Variants in ANKRD11 observed in about 807,000 individuals in gnomAD.
ANKRD11 encodes the protein ankyrin repeat domain-containing protein 11.
In ANKRD11, 17 loss-of-function variants were observed where a neutral mutation model predicts 195.7. The ratio of observed to expected loss-of-function variants is 0.09; its 90% CI spans 0.06 to 0.13. The LOEUF (loss-of-function observed/expected upper bound fraction) is 0.13. Among genes scored for constraint, ANKRD11 ranks in the 10% least tolerant of loss-of-function variants. The pLI, the probability that ANKRD11 is intolerant of heterozygous loss-of-function variation, is 1.00. For missense variants in ANKRD11, 3,735 were observed against 3,566.1 expected (o/e 1.05, Z -1.21); for synonymous variants, 1,953 against 1,528.1 (o/e 1.28, Z -6.49).
At position 89,490,554 on chromosome 16, in the gene ANKRD11, C is replaced by T. The variant is rs760908649; in HGVS notation, c.-454G>A. On this transcript the variant is annotated 5_prime_UTR_variant, in exon 1 of 13. Coordinates refer to ENST00000301030, the MANE Select transcript of ANKRD11 (RefSeq NM_013275.6). ...CGGTCCATCGCGCACCGTCTCAGGG[C>T]GGCCTCTGGCTCCAGGACCCAGCGG... 1.3e-4 allele frequency: 54 copies of T among 424,408 alleles called. 4 individuals carry two copies. In the South Asian group the frequency reaches 2.0e-3, roughly 16 times the overall value. The allele number at this position is 424,408 out of a possible 1,614,324, so 26.3% of individuals were successfully genotyped here. A position where few individuals can be genotyped will look rare whatever the true frequency, so the allele number is the denominator to read the frequency against.
intron 1 of ANKRD11, among the ~76,000 whole-genome samples, chr16:89,471,687 A>AG (rs1027059377): frequency 4.9e-5 from 7 of 143,180 alleles, no homozygotes; most frequent in Admixed American, 2.2e-4. Flanking sequence ...TGGGAGGATG[A>AG]GGAAGGAGAG....
At chr16:89,360,106 T>C (rs2039669150) in intron 2 of ANKRD11, among the ~76,000 whole-genome samples, 1 of 152,144 alleles carries the variant, frequency 6.6e-6, no homozygotes, top group Non-Finnish European at 1.5e-5. Flanking sequence ...CTTCCCTGTG[T>C]TTTTAAGTTC....
chr16:89,477,022 G>A (rs1035977577), intron 1 of ANKRD11, among the ~76,000 whole-genome samples: 1 of 152,184 alleles, frequency 6.6e-6, no homozygotes, highest in Non-Finnish European at 1.5e-5. Flanking sequence ...ACCACACCGT[G>A]AGCATCTATT....
chr16:89,269,454 G>A (rs868414851), intron 12 of ANKRD11, among the ~76,000 whole-genome samples: 73 of 152,120 alleles, frequency 4.8e-4, no homozygotes, highest in Non-Finnish European at 5.9e-4. Context: ...TCCTCAATGG[G>A]CCTCATAGCT....
rs1171132225 is a variant in ANKRD11, at chr16:89,305,279, C to T, written c.153G>A (p.Val51=). 2.5e-6 allele frequency: 4 copies of T among 1,613,966 alleles called. No homozygotes were observed. In the South Asian group the frequency reaches 4.4e-5, roughly 18 times the overall value. The change falls in exon 4 of 13, where the codon GTG becomes GTA. Residue 51 remains valine (V), a synonymous_variant. Transcript: ENST00000301030. ...KLERGDGGKE[V]RERASKRKLP... Reference sequence around the variant, plus strand: ...GCTTCCGCTTGCTGGCTCGCTCCCTCACCTCCTTCCCGCCATCGCCACGCT... The same window carrying T: ...GCTTCCGCTTGCTGGCTCGCTCCCTTACCTCCTTCCCGCCATCGCCACGCT...
At chr16:89,464,643 AAAAAG>A (rs1329424241) in intron 1 of ANKRD11, among the ~76,000 whole-genome samples, 5 of 151,946 alleles carry the variant, frequency 3.3e-5, no homozygotes, top group Admixed American at 6.6e-5. Flanking sequence ...AGAAAAAGAA[AAAAAG>A]AAAAGAATAA....
At chr16:89,416,550 G>C (rs926514639) in intron 2 of ANKRD11, among the ~76,000 whole-genome samples, 1 of 152,132 alleles carries the variant, frequency 6.6e-6, no homozygotes, top group Non-Finnish European at 1.5e-5. Context: ...CACCCACCTT[G>C]ACATCTCAAA....
chr16:89,369,942 G>A (rs1423779517), intron 2 of ANKRD11, among the ~76,000 whole-genome samples: 1 of 152,132 alleles, frequency 6.6e-6, no homozygotes, highest in Non-Finnish European at 1.5e-5. Flanking sequence ...AAACACGGGG[G>A]GCCCAGCCCA....
chr16:89,457,249 G>A (rs975014837), intron 1 of ANKRD11, among the ~76,000 whole-genome samples: 5 of 145,874 alleles, frequency 3.4e-5, no homozygotes, highest in Admixed American at 6.8e-5. Flanking sequence ...GTGAGCCACC[G>A]CGCCCGGCCG....
At chr16:89,443,623 A>G (rs1401618799) in intron 1 of ANKRD11, among the ~76,000 whole-genome samples, 1 of 152,154 alleles carries the variant, frequency 6.6e-6, no homozygotes, top group African/African-American at 2.4e-5. Context: ...TTCTTTAGGC[A>G]ATACCCTCCG....
chr16:89,386,016 A>G (rs540136147), intron 2 of ANKRD11, among the ~76,000 whole-genome samples: 19 of 152,344 alleles, frequency 1.2e-4, no homozygotes, highest in African/African-American at 4.6e-4. Flanking sequence ...GGTAGCTGGG[A>G]CCACGGGTGT....
At chr16:89,441,767 C>CAAAAAAAAAAAAAAA (rs57747159) in intron 1 of ANKRD11, among the ~76,000 whole-genome samples, 20 of 52,346 alleles carry the variant, frequency 3.8e-4, no homozygotes, top group South Asian at 6.5e-4. Flanking sequence ...ACTCCGCCTA[C>CAAAAAAAAAAAAAAA]AAAAAAAAAA....
chr16:89,361,064 A>C (rs1326839938), intron 2 of ANKRD11, among the ~76,000 whole-genome samples: 2 of 152,148 alleles, frequency 1.3e-5, no homozygotes, highest in Non-Finnish European at 2.9e-5. Context: ...AGCCCACCCC[A>C]GCCCCTGCTG....
Position 89,270,735 on chromosome 16 carries a change from C to A in ANKRD11, c.7806+82G>T, listed in dbSNP as rs2306632. ...TGGGCAGCGGCCTCCCCCCAGGCAG[C>A]GCAAAGGGGGTTGTCACCACCCATC... is the stretch of plus-strand genomic sequence containing the variant. On this transcript the variant is annotated intron_variant, in intron 12 of 12. Coordinates refer to ENST00000301030, the MANE Select transcript of ANKRD11 (RefSeq NM_013275.6). 0.091 allele frequency: 125,390 copies of A among 1,385,000 alleles called. 7,668 individuals are homozygous for A. Among genetic ancestry groups the A allele is most frequent in the East Asian group, 0.35 (14,395 of 41,576 alleles). 85.8% of individuals were successfully genotyped at this position (1,385,000 alleles called of 1,614,324 possible).
intron 2 of ANKRD11, among the ~76,000 whole-genome samples, chr16:89,345,474 C>T (rs2038897543): frequency 6.6e-6 from 1 of 152,172 alleles, no homozygotes; most frequent in Non-Finnish European, 1.5e-5. Context: ...AAGGACGAAG[C>T]CCCAAGCACG....
rs373212222 is a variant in ANKRD11, at chr16:89,343,338, A to C, written c.-59-26260T>G. Among the ~76,000 whole-genome samples the C allele has an allele frequency of 2.4e-4, 36 of 152,370 alleles. No homozygotes were observed. In the South Asian group the frequency reaches 7.5e-3, roughly 32 times the overall value. ...CAATACCTGTGTTCCCAAAAACAGA[A>C]AAATTGACATTTAGTTATAAGCTCC... is the stretch of plus-strand genomic sequence containing the variant. On this transcript the variant is annotated intron_variant, in intron 2 of 12. Coordinates refer to ENST00000301030, the MANE Select transcript of ANKRD11 (RefSeq NM_013275.6).
At chr16:89,305,041 TG>T in intron 4 of ANKRD11, 164 bp downstream of exon 4, 1 of 1,070,272 alleles carries the variant, frequency 9.3e-7, no homozygotes, top group Non-Finnish European at 1.3e-6. Context: ...AGGTGGCATG[TG>T]GGGGCCTGTG....
intron 2 of ANKRD11, among the ~76,000 whole-genome samples, chr16:89,343,499 G>C (rs2038792648): frequency 6.6e-6 from 1 of 152,202 alleles, no homozygotes; most frequent in African/African-American, 2.4e-5. Flanking sequence ...ATGTGTGAGT[G>C]AGTGAGCGAG....
chr16:89,473,976 C>A (rs530592853), intron 1 of ANKRD11, among the ~76,000 whole-genome samples: 2 of 152,334 alleles, frequency 1.3e-5, no homozygotes, highest in South Asian at 4.1e-4. Flanking sequence ...GCAGAAGACT[C>A]TTTGCTGTTT....
Sources: allele counts gnomAD v4.1 joint callset (sites outside exome capture counted in the v4.1 genomes callset), GRCh38; gene constraint gnomAD v4.1.1; transcripts MANE v1.5; gene names NCBI Gene and HGNC (gene_info 2026-07-23, HGNC 2026-07-21).